Variants in PALLD observed in about 807,000 individuals in gnomAD.
The protein encoded by PALLD is palladin, cytoskeletal associated protein, also known as palladin.
PALLD carries 61 observed loss-of-function variants against 123.5 expected under a neutral mutation model. That is an observed-to-expected ratio of 0.49 (90% confidence interval 0.40 to 0.61). The LOEUF is 0.61. PALLD is among the 20% of genes least tolerant of loss of function. The probability of loss-of-function intolerance (pLI) is 0.00; values close to 1 mark genes in which losing one functional copy is unlikely to be tolerated. For missense variants in PALLD, 1,273 were observed against 1,377.0 expected (o/e 0.92, Z 1.20); for synonymous variants, 465 against 496.4 (o/e 0.94, Z 0.84).
At chr4:168,599,106 A>T (rs970459351) in intron 2 of PALLD, among the ~76,000 whole-genome samples, 2 of 152,136 alleles carry the variant, frequency 1.3e-5, no homozygotes, top group Non-Finnish European at 2.9e-5. Flanking sequence ...GCGAATAGCC[A>T]CTCCAACTCC....
At chr4:168,898,247 A>G in intron 13 of PALLD, 1 of 537,898 alleles carries the variant, frequency 1.9e-6, no homozygotes, top group East Asian at 3.2e-5. Flanking sequence ...AAAGAAGGAA[A>G]AAAAAATTCA....
At chr4:168,580,937 G>C (rs11945680) in intron 2 of PALLD, among the ~76,000 whole-genome samples, 13 of 151,786 alleles carry the variant, frequency 8.6e-5, no homozygotes, top group African/African-American at 3.1e-4. Flanking sequence ...ATGTGGACAG[G>C]AGGAGGAAAA....
At chr4:168,796,629 A>G (rs898522121) in intron 10 of PALLD, among the ~76,000 whole-genome samples, 1 of 152,228 alleles carries the variant, frequency 6.6e-6, no homozygotes, top group Non-Finnish European at 1.5e-5. Flanking sequence ...GATGAAAACC[A>G]CTGGTGGCTG....
intron 12 of PALLD, among the ~76,000 whole-genome samples, chr4:168,896,306 T>C (rs912097896): frequency 6.6e-5 from 10 of 152,154 alleles, no homozygotes; most frequent in Admixed American, 2.6e-4. Flanking sequence ...TTACATTAGC[T>C]TACAGTTGGG....
chr4:168,846,503 G>A (rs1383679263), intron 10 of PALLD, among the ~76,000 whole-genome samples: 2 of 152,182 alleles, frequency 1.3e-5, no homozygotes, highest in Non-Finnish European at 2.9e-5. Flanking sequence ...CCCGTTATGC[G>A]AGGGAGAGTA....
At chr4:168,507,917 C>T (rs1308655847) in intron 1 of PALLD, among the ~76,000 whole-genome samples, 2 of 152,102 alleles carry the variant, frequency 1.3e-5, no homozygotes, top group Non-Finnish European at 2.9e-5. Flanking sequence ...CTCTGGGATC[C>T]AAGTCTTAAA....
intron 10 of PALLD, among the ~76,000 whole-genome samples, chr4:168,727,381 A>G (rs1786696680): frequency 6.6e-6 from 1 of 152,146 alleles, no homozygotes; most frequent in South Asian, 2.1e-4. Context: ...TAGCCTGACC[A>G]GCATCTGTTG....
intron 2 of PALLD, among the ~76,000 whole-genome samples, chr4:168,652,551 G>A (rs1205416955): frequency 6.6e-6 from 1 of 152,182 alleles, no homozygotes; most frequent in African/African-American, 2.4e-5. Context: ...ACATTTTAAA[G>A]TTAGAGGTTC....
chr4:168,773,519 C>T (rs1455531783), intron 10 of PALLD, among the ~76,000 whole-genome samples: 1 of 152,008 alleles, frequency 6.6e-6, no homozygotes, highest in Non-Finnish European at 1.5e-5. Flanking sequence ...GATCTCACAG[C>T]TCTCTCAGCA....
At chr4:168,590,864 G>GTTTT (rs371992201) in intron 2 of PALLD, among the ~76,000 whole-genome samples, 16 of 70,198 alleles carry the variant, frequency 2.3e-4, no homozygotes, top group Admixed American at 3.7e-4. Context: ...GACCTAGAAA[G>GTTTT]TTTTTTTTTT....
At chr4:168,608,835 C>T (rs969882896) in intron 2 of PALLD, among the ~76,000 whole-genome samples, 3 of 149,348 alleles carry the variant, frequency 2.0e-5, no homozygotes, top group African/African-American at 4.9e-5. Flanking sequence ...ATGAGGAAGG[C>T]GGAAAGCTAT....
intron 15 of PALLD, among the ~76,000 whole-genome samples, chr4:168,912,594 A>G (rs1345693187): frequency 6.6e-6 from 1 of 152,142 alleles, no homozygotes; most frequent in Non-Finnish European, 1.5e-5. Context: ...TTTTGCTTTT[A>G]TTATTTTTAG....
rs1757085081 is a variant in PALLD, at chr4:168,903,942, T to C, written c.2622+36T>C. On this transcript the variant is annotated intron_variant, in intron 15 of 21. Transcript: ENST00000505667. ...GTATAGGTCTGGGCTCAGTTCTGTG[T>C]CTAGTGCTTACAGGCATTTGATTAG... 9 of 1,587,468 alleles carry C rather than the reference T, an allele frequency of 5.7e-6. No homozygotes were observed. The East Asian group carries it at 1.6e-4, about 28-fold the overall frequency.
chr4:168,640,063 G>C (rs1290989848), intron 2 of PALLD, among the ~76,000 whole-genome samples: 1 of 152,222 alleles, frequency 6.6e-6, no homozygotes, highest in Admixed American at 6.5e-5. Context: ...ATGAAGGTAT[G>C]AGAAAGTGAC....
chr4:168,883,160 G>A (rs560984784), intron 10 of PALLD, among the ~76,000 whole-genome samples: 1 of 151,272 alleles, frequency 6.6e-6, no homozygotes, highest in South Asian at 2.1e-4. Context: ...TATAATATGA[G>A]GAGAATTTGA....
intron 10 of PALLD, among the ~76,000 whole-genome samples, chr4:168,779,146 C>G (rs989989231): frequency 7.4e-4 from 113 of 152,184 alleles, no homozygotes; most frequent in African/African-American, 2.5e-3. Flanking sequence ...AAGTTACCCA[C>G]TGGTTATTGA....
At chr4:168,670,300 AG>A (rs1257807408) in intron 3 of PALLD, among the ~76,000 whole-genome samples, 17 of 152,246 alleles carry the variant, frequency 1.1e-4, no homozygotes, top group Non-Finnish European at 1.5e-5. Context: ...TTTAAGTAAA[AG>A]CCTGTCAACT....
chr4:168,877,822 G>GC, intron 10 of PALLD: 2 of 1,287,568 alleles, frequency 1.6e-6, no homozygotes, highest in Non-Finnish European at 2.0e-6. Flanking sequence ...CGCCGCCCTC[G>GC]CCCCCCTTCC....
chr4:168,562,512 G>A (rs1484844526), intron 2 of PALLD, among the ~76,000 whole-genome samples: 2 of 152,196 alleles, frequency 1.3e-5, no homozygotes, highest in African/African-American at 2.4e-5. Flanking sequence ...AATTTTAAAT[G>A]GTGTTAAGTT....
Sources: allele counts gnomAD v4.1 joint callset (sites outside exome capture counted in the v4.1 genomes callset), GRCh38; gene constraint gnomAD v4.1.1; transcripts MANE v1.5; gene names NCBI Gene and HGNC (gene_info 2026-07-23, HGNC 2026-07-21).